The following PRH1 variants were observed in gnomAD, a reference collection of about 807,000 sequenced individuals.
PRH1 encodes proline rich protein HaeIII subfamily 1.
A neutral mutation model predicts 7.9 loss-of-function variants in PRH1; 7 were observed. That is an observed-to-expected ratio of 0.89 (90% CI 0.50 to 1.67). The LOEUF (loss-of-function observed/expected upper bound fraction) is 1.67, where lower values mean the gene tolerates loss of function less well. Among genes scored for constraint, PRH1 ranks in the 40% most tolerant of loss-of-function variants. The pLI is 0.00. For synonymous variants in PRH1, 45 were observed against 80.8 expected, an observed-to-expected ratio of 0.56 and a Z score of 2.38; for missense variants, 109 against 223.6, an observed-to-expected ratio of 0.49 and a Z score of 3.27.
Position 11,032,859 on chromosome 12 carries a change from G to A in PRH1, c.-126+14161C>T, listed in dbSNP as rs567374811. On this transcript the variant is annotated intron_variant, in intron 1 of 3. Coordinates refer to the PRH1 transcript ENST00000539853. ...ATCATTTCACTTACTTTGATAAACA[G>A]AAAATTACTACAGTTTGCATAGAGA... 4.3e-3 allele frequency among the ~76,000 whole-genome samples: 651 copies of A among 152,230 alleles called. 5 individuals are homozygous for A. The highest frequency in any genetic ancestry group is 0.015 in the African/African-American group (619 of 41,548).
intron 1 of PRH1, among the ~76,000 whole-genome samples, chr12:11,127,872 C>T (rs954829040): frequency 6.6e-5 from 10 of 152,010 alleles, no homozygotes; most frequent in Non-Finnish European, 1.5e-4. Flanking sequence ...TTTGGGAGGC[C>T]GAGGCGGGCT....
At chr12:10,974,865 A>C (rs1036348763) in intron 1 of PRH1, among the ~76,000 whole-genome samples, 1 of 152,242 alleles carries the variant, frequency 6.6e-6, no homozygotes, top group Non-Finnish European at 1.5e-5. Context: ...ATTCAGGAGA[A>C]AGTAAAAACC....
At chr12:10,938,234 C>A in intron 2 of PRH1, 1 of 1,469,320 alleles carries the variant, frequency 6.8e-7, no homozygotes, top group South Asian at 1.3e-5. Flanking sequence ...TTCTTAGGAG[C>A]TATTTTTTTT....
chr12:10,969,989 A>G (rs1329463800), intron 2 of PRH1, among the ~76,000 whole-genome samples: 4 of 152,034 alleles, frequency 2.6e-5, no homozygotes, highest in Admixed American at 1.3e-4. Context: ...TTAAGCAGAG[A>G]TGGGGTTTTG....
chr12:10,961,135 G>A (rs562494412), intron 2 of PRH1, among the ~76,000 whole-genome samples: 3 of 152,268 alleles, frequency 2.0e-5, no homozygotes, highest in African/African-American at 7.2e-5. Context: ...ATGCATAGTG[G>A]GCATTACAGG....
intron 1 of PRH1, chr12:11,158,723 T>C (rs998829249): frequency 7.2e-5 from 5 of 69,616 alleles, no homozygotes; most frequent in African/African-American, 9.0e-5. Context: ...AATTAACTTA[T>C]GAGGTCTTCT....
intron 3 of PRH1, among the ~76,000 whole-genome samples, chr12:10,881,506 T>G (rs2298864): frequency 0.5 from 75,653 of 152,064 alleles, 21,321 homozygotes; most frequent in East Asian, 0.73. Context: ...AATGAACTCA[T>G]GAGAAAGTTT....
intron 1 of PRH1, among the ~76,000 whole-genome samples, chr12:11,101,091 T>C (rs770179886): frequency 6.6e-6 from 1 of 152,198 alleles, no homozygotes; most frequent in Non-Finnish European, 1.5e-5. Flanking sequence ...AAAAGGTGTC[T>C]ATCAATCATG....
intron 2 of PRH1, among the ~76,000 whole-genome samples, chr12:10,896,585 A>T (rs1282319772): frequency 1.3e-5 from 2 of 152,012 alleles, no homozygotes; most frequent in South Asian, 4.2e-4. Context: ...AACATGGTGA[A>T]ACCCTGTCTC....
At chr12:11,120,869 A>G (rs1013102263) in exon 2 of PRH1, 5 of 153,052 alleles carry the variant, frequency 3.3e-5, no homozygotes, top group African/African-American at 9.7e-5. Context: ...ATTACAGAGA[A>G]CGGCTCATGA....
At position 10,930,601 on chromosome 12, in the gene PRH1, G is replaced by T. The variant is rs1034601377; in HGVS notation, c.-59+43054C>A. 9 of 1,603,452 alleles carry T rather than the reference G, an allele frequency of 5.6e-6. No individual in the cohort carries two copies. The Admixed American group carries it at 1.3e-4, about 24-fold the overall frequency. On this transcript the variant is annotated intron_variant, in intron 2 of 3. Coordinates refer to the PRH1 transcript ENST00000539853. ...GCCGGCCGTGTGGTGAAGACAGAGA[G>T]ATATGAAGACAGGAGGGTTTTCCAG...
intron 2 of PRH1, among the ~76,000 whole-genome samples, chr12:10,905,527 G>A (rs544517034): frequency 7.2e-5 from 11 of 152,116 alleles, no homozygotes; most frequent in South Asian, 2.1e-4. Flanking sequence ...TTAGCCGGGC[G>A]TCCTGGCACC....
upstream of PRH1, among the ~76,000 whole-genome samples, chr12:11,050,892 CAGA>C (rs1943116014): frequency 6.6e-6 from 1 of 152,230 alleles, no homozygotes; most frequent in East Asian, 1.9e-4. Flanking sequence ...ACACTGTTCC[CAGA>C]AGAAGAATGA....
chr12:10,922,718 T>C (rs1052806604), intron 2 of PRH1, among the ~76,000 whole-genome samples: 3 of 152,074 alleles, frequency 2.0e-5, no homozygotes, highest in African/African-American at 7.2e-5. Flanking sequence ...TTATTATTTG[T>C]GGATTCTTCA....
chr12:11,053,950 AG>A (rs1455790356), intron 1 of PRH1, among the ~76,000 whole-genome samples: 1 of 152,152 alleles, frequency 6.6e-6, no homozygotes, highest in Non-Finnish European at 1.5e-5. Context: ...CCTCCCAAGT[AG>A]CTGGGATTAC....
intron 1 of PRH1, among the ~76,000 whole-genome samples, chr12:11,058,855 G>A (rs1056878250): frequency 7.9e-5 from 12 of 152,208 alleles, no homozygotes; most frequent in African/African-American, 2.9e-4. Flanking sequence ...AGCCATGACT[G>A]GAGGGCATGA....
chr12:10,975,116 C>T (rs926425121), intron 1 of PRH1, among the ~76,000 whole-genome samples: 1 of 152,100 alleles, frequency 6.6e-6, no homozygotes, highest in Non-Finnish European at 1.5e-5. Context: ...GGCACATAGT[C>T]ATCAGCTTCT....
intron 1 of PRH1, among the ~76,000 whole-genome samples, chr12:11,161,169 T>C (rs1947402237): frequency 1.7e-5 from 2 of 118,004 alleles, no homozygotes; most frequent in African/African-American, 5.6e-5. Flanking sequence ...CAAGGCAATC[T>C]TGGAAGCTAT....
chr12:10,888,129 CCCATCACATA>C (rs1461473101), upstream of PRH1, among the ~76,000 whole-genome samples: 1 of 152,186 alleles, frequency 6.6e-6, no homozygotes, highest in Non-Finnish European at 1.5e-5. Flanking sequence ...ACTTGAGCCT[CCCATCACATA>C]GCATCACGTC....
Sources: gnomAD v4.1 joint callset for allele counts (sites outside exome capture counted in the v4.1 genomes callset) on GRCh38, gnomAD v4.1.1 for gene constraint, MANE v1.5 for transcripts, NCBI Gene and HGNC (gene_info 2026-07-23, HGNC 2026-07-21) for gene names.